The following CDIN1 variants were observed in gnomAD, a reference collection of about 807,000 sequenced individuals.
The protein encoded by CDIN1 is CDAN1-interacting nuclease 1.
CDIN1 carries 33 observed loss-of-function variants against 45.3 expected under a neutral mutation model. The observed-to-expected ratio is 0.73, with a 90% CI of 0.55 to 0.97. CDIN1 has a LOEUF of 0.97. Ranked by LOEUF, CDIN1 falls within the 50% of genes least tolerant of loss-of-function variation. The probability of loss-of-function intolerance (pLI) is 0.00; values close to 1 mark genes in which losing one functional copy is unlikely to be tolerated. For missense variants in CDIN1, 303 were observed against 339.4 expected (o/e 0.89, Z 0.84); for synonymous variants, 118 against 124.4 (o/e 0.95, Z 0.34).
intron 10 of CDIN1, among the ~76,000 whole-genome samples, chr15:36,753,218 T>C (rs1229790468): frequency 4.6e-5 from 7 of 152,166 alleles, no homozygotes; most frequent in African/African-American, 1.4e-4. Context: ...TAAAGGTTTA[T>C]TCCAATCGTT....
rs1281275728 is a variant in CDIN1 at position 36,601,967 on chromosome 15, AT to A, written c.101+22015del. Among the ~76,000 whole-genome samples, 5 of 151,814 alleles carry A rather than the reference AT, an allele frequency of 3.3e-5. No homozygotes were observed. The South Asian group carries it at 6.3e-4, about 19-fold the overall frequency. On this transcript the variant is annotated intron_variant, in intron 1 of 10. Transcript: ENST00000566621. ...AGGGTTTTATCGATAGCAGCTCTCA[AT>A]TTTTTTTTGTATTCATAGTGATAAA... is the stretch of plus-strand genomic sequence containing the variant.
intron 10 of CDIN1, among the ~76,000 whole-genome samples, chr15:36,804,873 C>T (rs563223088): frequency 5.3e-5 from 8 of 151,574 alleles, no homozygotes; most frequent in South Asian, 2.1e-4. Flanking sequence ...CGGGGTTTCA[C>T]CATGTTGGCC....
intron 1 of CDIN1, among the ~76,000 whole-genome samples, chr15:36,592,292 A>G (rs1042958898): frequency 6.6e-6 from 1 of 152,140 alleles, no homozygotes; most frequent in African/African-American, 2.4e-5. Flanking sequence ...CCGCGACCTC[A>G]CATTGGTAGC....
intron 10 of CDIN1, among the ~76,000 whole-genome samples, chr15:36,720,066 G>T (rs78436017): frequency 5.0e-4 from 75 of 148,612 alleles, no homozygotes; most frequent in African/African-American, 1.5e-3. Flanking sequence ...TTTTTTATTT[G>T]TTTTTTTATT....
At chr15:36,712,225 A>T (rs1332529084) in intron 10 of CDIN1, among the ~76,000 whole-genome samples, 1 of 151,420 alleles carries the variant, frequency 6.6e-6, no homozygotes, top group East Asian at 1.9e-4. Context: ...TGGATTTTAC[A>T]ATAAGACTGT....
chr15:36,618,867 G>A, intron 1 of CDIN1: 1 of 987,044 alleles, frequency 1.0e-6, no homozygotes, highest in South Asian at 1.3e-5. Flanking sequence ...ACAAAGCCAT[G>A]GAGGGCAAGT....
chr15:36,740,485 G>T (rs780764890), intron 10 of CDIN1, among the ~76,000 whole-genome samples: 20 of 152,168 alleles, frequency 1.3e-4, no homozygotes, highest in Middle Eastern at 3.2e-3. Flanking sequence ...CCGAGAGATG[G>T]TAGCACTTCT....
At chr15:36,594,911 T>G in intron 1 of CDIN1, 1 of 985,538 alleles carries the variant, frequency 1.0e-6, no homozygotes. Flanking sequence ...GCTTTCTGTT[T>G]AGTTGTGGTA....
At chr15:36,716,971 C>A (rs772158805) in intron 10 of CDIN1, among the ~76,000 whole-genome samples, 64 of 152,264 alleles carry the variant, frequency 4.2e-4, no homozygotes, top group Non-Finnish European at 8.5e-4. Context: ...GCTCTTTCTA[C>A]TCCACCGGCA....
chr15:36,657,974 C>A, intron 5 of CDIN1, 69 bp downstream of exon 5: 1 of 1,301,372 alleles, frequency 7.7e-7, no homozygotes, highest in Non-Finnish European at 1.1e-6. Context: ...ATTTACACAG[C>A]ATTTCAAGTC....
chr15:36,644,582 C>G (rs1160838871), intron 2 of CDIN1, among the ~76,000 whole-genome samples: 3 of 151,984 alleles, frequency 2.0e-5, no homozygotes, highest in Non-Finnish European at 4.4e-5. Context: ...ATAATAATTT[C>G]CCTGTGTTGC....
intron 3 of CDIN1, among the ~76,000 whole-genome samples, chr15:36,650,847 G>A (rs571078506): frequency 6.6e-6 from 1 of 152,226 alleles, no homozygotes; most frequent in South Asian, 2.1e-4. Context: ...CGGATCACCT[G>A]AGATCAGGAT....
chr15:36,674,789 C>T (rs2041584574), intron 5 of CDIN1, among the ~76,000 whole-genome samples: 1 of 152,144 alleles, frequency 6.6e-6, no homozygotes, highest in African/African-American at 2.4e-5. Flanking sequence ...TCATATTTCC[C>T]AGTTTATTGA....
intron 3 of CDIN1, among the ~76,000 whole-genome samples, chr15:36,650,209 A>T (rs1038254341): frequency 2.0e-5 from 3 of 152,218 alleles, no homozygotes; most frequent in African/African-American, 7.2e-5. Context: ...ATGTGCACTT[A>T]TGCTCATGTG....
intron 1 of CDIN1, among the ~76,000 whole-genome samples, chr15:36,608,537 G>A (rs765481820): frequency 1.3e-5 from 2 of 152,004 alleles, no homozygotes; most frequent in African/African-American, 4.8e-5. Context: ...TTATTGAGCT[G>A]TAAGAGTTAT....
intron 10 of CDIN1, among the ~76,000 whole-genome samples, chr15:36,779,936 A>G (rs1450916168): frequency 4.6e-5 from 7 of 152,188 alleles, no homozygotes; most frequent in Non-Finnish European, 1.0e-4. Flanking sequence ...AGTCTCGTTT[A>G]TGATGTGGTC....
chr15:36,763,609 C>G (rs1436936230), intron 10 of CDIN1, among the ~76,000 whole-genome samples: 1 of 152,224 alleles, frequency 6.6e-6, no homozygotes, highest in East Asian at 1.9e-4. Flanking sequence ...CTGTACCCCG[C>G]CATGTTGTGG....
intron 10 of CDIN1, among the ~76,000 whole-genome samples, chr15:36,788,780 A>G (rs1595600461): frequency 6.6e-6 from 1 of 152,198 alleles, no homozygotes; most frequent in African/African-American, 2.4e-5. Context: ...CTCATTTGAT[A>G]AATGTGATAG....
At chr15:36,777,721 C>T (rs1350032808) in intron 10 of CDIN1, among the ~76,000 whole-genome samples, 1 of 152,190 alleles carries the variant, frequency 6.6e-6, no homozygotes, top group Admixed American at 6.5e-5. Flanking sequence ...AGCAATCCTC[C>T]CACCTCAGCC....
Sources: allele counts gnomAD v4.1 joint callset (sites outside exome capture counted in the v4.1 genomes callset), GRCh38; gene constraint gnomAD v4.1.1; transcripts MANE v1.5; gene names NCBI Gene and HGNC (gene_info 2026-07-23, HGNC 2026-07-21).